AKTIP: variants seen among roughly 807,000 people sequenced by gnomAD.
AKTIP encodes AKT-interacting protein.
AKTIP carries 16 observed loss-of-function variants against 39.1 expected under a neutral mutation model. The ratio of observed to expected loss-of-function variants is 0.41; its 90% confidence interval spans 0.28 to 0.62. AKTIP has a LOEUF of 0.62. AKTIP is among the 20% of genes least tolerant of loss of function. The probability of loss-of-function intolerance (pLI) is 0.32; values close to 1 mark genes in which losing one functional copy is unlikely to be tolerated. For missense variants in AKTIP, 262 were observed against 356.6 expected, an observed-to-expected ratio of 0.73 and a Z score of 2.14; for synonymous variants, 93 against 124.3, an observed-to-expected ratio of 0.75 and a Z score of 1.67.
rs1268278425 is a variant in AKTIP, at chr16:53,499,437, G to A, written c.42+781C>T. ...TAATAGTGGTGTTTGTTCTCCTAGAGGTGAGATTATAGTTTTTTTTTTTTT... is the reference window on the plus strand; with the variant it reads ...TAATAGTGGTGTTTGTTCTCCTAGAAGTGAGATTATAGTTTTTTTTTTTTT... On this transcript the variant is annotated intron_variant, in intron 2 of 9. Coordinates refer to ENST00000394657, the MANE Select transcript of AKTIP (RefSeq NM_022476.4). Among the ~76,000 whole-genome samples, 12 of 149,752 alleles carry A rather than the reference G, an allele frequency of 8.0e-5. No homozygotes were observed. In the Admixed American group the frequency reaches 8.1e-4, roughly 10 times the overall value.
chr16:53,500,308 C>T lies in AKTIP; in HGVS notation c.-49G>A. The T allele has an allele frequency of 1.2e-6, 2 of 1,600,708 alleles. No homozygotes were observed. Among genetic ancestry groups the T allele is most frequent in the East Asian group, 4.5e-5 (2 of 44,360 alleles). On this transcript the variant is annotated 5_prime_UTR_variant, in exon 2 of 10. Coordinates refer to ENST00000394657, the MANE Select transcript of AKTIP (RefSeq NM_022476.4). ...GTCAGTGGTGTATCATCCAAATCTT[C>T]TGTCTTCGGCATTCACTTTACCTTA...
intron 6 of AKTIP, 29 bp downstream of exon 6, chr16:53,494,488 T>G (rs770106860): frequency 6.2e-7 from 1 of 1,613,786 alleles, no homozygotes; most frequent in Non-Finnish European, 8.5e-7. Flanking sequence ...CTGTATTATG[T>G]CACTAAAAGA....
intron 8 of AKTIP, 79 bp from the exon 9 acceptor site, chr16:53,492,832 C>T: frequency 8.2e-7 from 1 of 1,216,956 alleles, no homozygotes; most frequent in Non-Finnish European, 1.2e-6. Context: ...AGTTTTAAGC[C>T]AATTCCCCTA....
intron 5 of AKTIP, 97 bp from the exon 6 acceptor site, chr16:53,494,702 G>T: frequency 8.3e-7 from 1 of 1,205,800 alleles, no homozygotes; most frequent in Non-Finnish European, 1.2e-6. Flanking sequence ...GGACAAGGCA[G>T]TCACGTTATT....
At chr16:53,494,960 T>C in intron 5 of AKTIP, 113 bp downstream of exon 5, 1 of 974,710 alleles carries the variant, frequency 1.0e-6, no homozygotes, top group Non-Finnish European at 1.6e-6. Context: ...GGACAACTAC[T>C]GGGTAGATAA....
Position 53,494,152 on chromosome 16 carries a change from G to T in AKTIP, c.696C>A (p.Asp232Glu). The T allele has an allele frequency of 6.2e-7, 1 of 1,613,566 alleles. No individual in the cohort carries two copies. Among genetic ancestry groups the T allele is most frequent in the Non-Finnish European group, 8.5e-7 (1 of 1,179,504 alleles). Residue 232 changes from aspartate (D) to glutamate (E), a missense_variant, in exon 8 of 10, where the codon GAC (aspartate) becomes GAA (glutamate). By Grantham distance (45) the Asp-to-Glu change is conservative (BLOSUM62 2). This residue lies in a region of AKTIP where 145 missense variants were observed against 159.3 expected (regional missense o/e 0.91). Coordinates refer to ENST00000394657, the MANE Select transcript of AKTIP (RefSeq NM_022476.4). ...ARLFDQPKIEDPYAISFSPWN... is the reference protein window; with the variant it reads ...ARLFDQPKIEEPYAISFSPWN... ...GCACCACTTACCTAATTGCATAGGG[G>T]TCTTCTATTTTAGGTTGGTCAAACA...
At chr16:53,495,222 C>T in intron 4 of AKTIP, 40 bp downstream of exon 4, 1 of 1,613,496 alleles carries the variant, frequency 6.2e-7, no homozygotes, top group Non-Finnish European at 8.5e-7. Flanking sequence ...GTGGGAGGAA[C>T]TAAATGTGCC....
intron 5 of AKTIP, 149 bp downstream of exon 5, chr16:53,494,924 C>G (rs1257619211): frequency 2.5e-6 from 2 of 805,788 alleles, no homozygotes; most frequent in African/African-American, 3.4e-5. Flanking sequence ...ATGCCGGAAG[C>G]TGCTGCAAAG....
chr16:53,492,815 A>C lies in AKTIP; in HGVS notation c.711-62T>G, dbSNP rs577475243. On this transcript the variant is annotated intron_variant, in intron 8 of 9. Coordinates refer to ENST00000394657, the MANE Select transcript of AKTIP (RefSeq NM_022476.4). ...GGCTCACTAAATTTCTATAACATTC[A>C]TTTTGCAGTTTTAAGCCAATTCCCC... 7 of 1,508,346 alleles carry C rather than the reference A, an allele frequency of 4.6e-6. No individual in the cohort carries two copies. The African/African-American group carries it at 9.7e-5, about 21-fold the overall frequency. The allele number at this position is 1,508,346 out of a possible 1,614,324, so 93.4% of individuals were successfully genotyped here.
upstream of AKTIP, among the ~76,000 whole-genome samples, chr16:53,504,085 G>A (rs1375229426): frequency 2.0e-5 from 3 of 150,048 alleles, no homozygotes; most frequent in African/African-American, 7.5e-5. Context: ...CATAGTTCCT[G>A]GTCTTTTTTT....
chr16:53,502,589 A>G (rs1598164103), intron 1 of AKTIP: 1 of 152,038 alleles, frequency 6.6e-6, no homozygotes, highest in Admixed American at 6.5e-5. Flanking sequence ...AAAGATGAAA[A>G]CGGCCCGGGC....
chr16:53,497,451 T>C (rs576744133), intron 3 of AKTIP, among the ~76,000 whole-genome samples: 2 of 152,328 alleles, frequency 1.3e-5, no homozygotes, highest in East Asian at 3.9e-4. Flanking sequence ...GACCTTCAAA[T>C]ATATTAAGAC....
At chr16:53,498,306 C>T in intron 3 of AKTIP, 85 bp downstream of exon 3, 1 of 1,399,526 alleles carries the variant, frequency 7.1e-7, no homozygotes, top group East Asian at 2.3e-5. Flanking sequence ...AATGTCTGCC[C>T]TTTACTGCAT....
Position 53,494,589 on chromosome 16 carries a change from A to G in AKTIP, c.431T>C (p.Ile144Thr). Residue 144 changes from isoleucine to threonine, a missense_variant, in exon 6 of 10, where the codon ATT (isoleucine) becomes ACT (threonine). Ile to Thr is a moderately conservative substitution (Grantham distance 89). Around this residue, in one of 4 missense-constraint regions of AKTIP, gnomAD observed 25 missense variants for 38.4 expected, o/e 0.65. Coordinates refer to ENST00000394657, the MANE Select transcript of AKTIP (RefSeq NM_022476.4). ...ATCAACTAGCGGGTGAAAGACAGGA[A>G]TATCGAACACCAAGCGCTGTATTTA... The part of the protein sequence containing the change: ...DGDCPRLVFD[I>T]PVFHPLVDPT... 1 of 1,614,162 alleles carries G rather than the reference A, an allele frequency of 6.2e-7. No homozygotes were observed. Among genetic ancestry groups the G allele is most frequent in the South Asian group, 1.1e-5 (1 of 91,074 alleles).
At chr16:53,499,411 G>GT (rs1473889626) in intron 2 of AKTIP, among the ~76,000 whole-genome samples, 1 of 150,752 alleles carries the variant, frequency 6.6e-6, no homozygotes, top group South Asian at 2.1e-4. Flanking sequence ...TAGAAAAAAA[G>GT]TAATAGTGGT....
At chr16:53,494,280 T>G (rs893823904) in intron 7 of AKTIP, 35 bp from the exon 8 acceptor site, 11 of 1,611,280 alleles carry the variant, frequency 6.8e-6, no homozygotes, top group Non-Finnish European at 9.3e-6. Context: ...AGTTACTAAC[T>G]TAATCTACTT....
intron 2 of AKTIP, among the ~76,000 whole-genome samples, chr16:53,498,944 G>A (rs138305034): frequency 1.5e-4 from 23 of 152,326 alleles, no homozygotes; most frequent in Non-Finnish European, 2.6e-4. Context: ...AACTGTACAA[G>A]GCTAGAAAAG....
chr16:53,494,695 C>G, intron 5 of AKTIP, 90 bp from the exon 6 acceptor site: 3 of 1,246,018 alleles, frequency 2.4e-6, no homozygotes, highest in Non-Finnish European at 3.4e-6. Context: ...AGCTTCAGGA[C>G]AAGGCAGTCA....
At chr16:53,495,615 G>C (rs984717301) in intron 3 of AKTIP, among the ~76,000 whole-genome samples, 6 of 152,064 alleles carry the variant, frequency 3.9e-5, no homozygotes, top group Non-Finnish European at 8.8e-5. Context: ...GAAGAATAAA[G>C]TTTCCTCCCA....
Sources: allele counts gnomAD v4.1 joint callset (sites outside exome capture counted in the v4.1 genomes callset), GRCh38; gene constraint gnomAD v4.1.1; regional missense constraint gnomAD v4.1.1; transcripts MANE v1.5; gene names NCBI Gene and HGNC (gene_info 2026-07-23, HGNC 2026-07-21).